The following LRFN2 variants were observed in gnomAD, a reference collection of about 807,000 sequenced individuals.
LRFN2 encodes leucine-rich repeat and fibronectin type-III domain-containing protein 2.
In LRFN2, 18 loss-of-function variants were observed where a neutral mutation model predicts 37.3. The observed-to-expected ratio is 0.48, with a 90% confidence interval of 0.33 to 0.72. The LOEUF is 0.72. LRFN2 is among the 30% of genes least tolerant of loss of function. LRFN2 has a pLI of 0.02. For synonymous variants in LRFN2, 556 were observed against 466.6 expected (o/e 1.19, Z -2.47); for missense variants, 1,006 against 1,060.7 (o/e 0.95, Z 0.72).
At chr6:40,571,159 T>TC (rs996898270) in intron 1 of LRFN2, among the ~76,000 whole-genome samples, 1 of 152,158 alleles carries the variant, frequency 6.6e-6, no homozygotes, top group Non-Finnish European at 1.5e-5. Flanking sequence ...CCTCTCTGCC[T>TC]CCCCACCAGA....
At chr6:40,516,166 G>A (rs953821382) in intron 1 of LRFN2, among the ~76,000 whole-genome samples, 1 of 152,082 alleles carries the variant, frequency 6.6e-6, no homozygotes, top group Non-Finnish European at 1.5e-5. Context: ...CCTGCTTCTA[G>A]GGGAACCCAG....
At chr6:40,525,040 C>G (rs1766209960) in intron 1 of LRFN2, among the ~76,000 whole-genome samples, 1 of 152,230 alleles carries the variant, frequency 6.6e-6, no homozygotes, top group African/African-American at 2.4e-5. Context: ...AACTTCAGCT[C>G]ATCATCTATA....
chr6:40,555,093 T>C (rs990120665), intron 1 of LRFN2, among the ~76,000 whole-genome samples: 10 of 152,196 alleles, frequency 6.6e-5, no homozygotes, highest in Non-Finnish European at 1.3e-4. Flanking sequence ...CTGGGTAAGA[T>C]GTTCTTTTTG....
intron 1 of LRFN2, among the ~76,000 whole-genome samples, chr6:40,466,638 G>C (rs529460564): frequency 1.3e-5 from 2 of 152,272 alleles, no homozygotes; most frequent in Admixed American, 1.3e-4. Context: ...TTTAGAGGTA[G>C]ATGGTGCTCC....
rs77114127 is a variant in LRFN2, at chr6:40,477,191, G to T, written c.-18-44060C>A. 5.7e-3 allele frequency among the ~76,000 whole-genome samples: 867 copies of T among 152,318 alleles called. 25 individuals are homozygous for T. The East Asian group carries it at 0.088, about 15-fold the overall frequency. Reference sequence around the variant, plus strand: ...GGATATTTTTTAAAAGGCTCTTCAGGTGAGTCTGATGATCAGAGGGGTGGA... The same window carrying T: ...GGATATTTTTTAAAAGGCTCTTCAGTTGAGTCTGATGATCAGAGGGGTGGA... On this transcript the variant is annotated intron_variant, in intron 1 of 2. Coordinates refer to ENST00000338305, the MANE Select transcript of LRFN2 (RefSeq NM_020737.3).
chr6:40,528,136 G>A (rs1038720936), intron 1 of LRFN2, among the ~76,000 whole-genome samples: 1 of 152,214 alleles, frequency 6.6e-6, no homozygotes, highest in African/African-American at 2.4e-5. Flanking sequence ...GCATATCCTA[G>A]TTTTTACAAA....
intron 2 of LRFN2, among the ~76,000 whole-genome samples, chr6:40,406,699 C>T (rs1376151696): frequency 6.6e-6 from 1 of 152,236 alleles, no homozygotes; most frequent in Non-Finnish European, 1.5e-5. Flanking sequence ...CTTCCTCCCA[C>T]CAGCCCAATG....
intron 1 of LRFN2, among the ~76,000 whole-genome samples, chr6:40,456,739 G>A (rs1561863491): frequency 6.6e-6 from 1 of 152,146 alleles, no homozygotes; most frequent in Non-Finnish European, 1.5e-5. Flanking sequence ...AGTTATTAAA[G>A]GCTGTCCAGG....
chr6:40,431,231 G>A (rs1763471535), intron 2 of LRFN2, among the ~76,000 whole-genome samples: 1 of 152,138 alleles, frequency 6.6e-6, no homozygotes, highest in South Asian at 2.1e-4. Context: ...GAGGCCAGGA[G>A]AATGAAATGA....
At chr6:40,487,793 C>T (rs1024714060) in intron 1 of LRFN2, among the ~76,000 whole-genome samples, 3 of 152,208 alleles carry the variant, frequency 2.0e-5, no homozygotes, top group East Asian at 1.9e-4. Context: ...AGTGCCGCTG[C>T]CCACCCTTCC....
chr6:40,533,374 A>AACACACACACACACACACACAC (rs58462773), intron 1 of LRFN2, among the ~76,000 whole-genome samples: 1 of 142,974 alleles, frequency 7.0e-6, no homozygotes, highest in African/African-American at 2.6e-5. Context: ...TCTTGCTCAA[A>AACACACACACACACACACACAC]ACACACACAC....
At chr6:40,525,280 C>A (rs1766219506) in intron 1 of LRFN2, among the ~76,000 whole-genome samples, 1 of 152,194 alleles carries the variant, frequency 6.6e-6, no homozygotes, top group East Asian at 1.9e-4. Flanking sequence ...GCAAGGGCGG[C>A]CCTGCTGCAG....
At chr6:40,440,576 G>A (rs1223160968) in intron 1 of LRFN2, among the ~76,000 whole-genome samples, 1 of 152,206 alleles carries the variant, frequency 6.6e-6, no homozygotes, top group Non-Finnish European at 1.5e-5. Context: ...TGTGGCCTCT[G>A]ACTCAATGCA....
At chr6:40,429,604 C>T (rs1235816843) in intron 2 of LRFN2, among the ~76,000 whole-genome samples, 1 of 152,102 alleles carries the variant, frequency 6.6e-6, no homozygotes, top group African/African-American at 2.4e-5. Flanking sequence ...AAAATGAGTA[C>T]TTCCACTGGT....
chr6:40,547,319 G>A lies in LRFN2; in HGVS notation c.-19+39622C>T, dbSNP rs1279138511. On this transcript the variant is annotated intron_variant, in intron 1 of 2. Transcript: ENST00000338305. ...AGAGTTTCACCATGTTGGCCAGGCC[G>A]GTCTCGAACTCCTGACCTCAGGTGA... 4.6e-5 allele frequency among the ~76,000 whole-genome samples: 7 copies of A among 152,146 alleles called. No homozygotes were observed. The East Asian group carries it at 1.4e-3, about 29-fold the overall frequency.
intron 1 of LRFN2, among the ~76,000 whole-genome samples, chr6:40,484,781 A>C (rs953273954): frequency 6.6e-6 from 1 of 152,218 alleles, no homozygotes; most frequent in African/African-American, 2.4e-5. Context: ...TCCTTCTCTC[A>C]GAGGAATGCA....
chr6:40,446,539 G>T (rs1263797157), intron 1 of LRFN2, among the ~76,000 whole-genome samples: 4 of 152,178 alleles, frequency 2.6e-5, no homozygotes, highest in African/African-American at 4.8e-5. Flanking sequence ...TGTTCATCAG[G>T]CTTCTGTCAC....
chr6:40,547,670 G>A (rs382063), intron 1 of LRFN2, among the ~76,000 whole-genome samples: 14,310 of 152,128 alleles, frequency 0.094, 791 homozygotes, highest in Non-Finnish European at 0.12. Context: ...CAGAAGATGG[G>A]AGGGAGAAAG....
At chr6:40,582,645 T>C (rs1484889080) in intron 1 of LRFN2, among the ~76,000 whole-genome samples, 6 of 151,090 alleles carry the variant, frequency 4.0e-5, no homozygotes, top group Admixed American at 2.0e-4. Context: ...CATGGAAGCC[T>C]TGGGTCTTCT....
Sources: allele counts gnomAD v4.1 joint callset (sites outside exome capture counted in the v4.1 genomes callset), GRCh38; gene constraint gnomAD v4.1.1; transcripts MANE v1.5; gene names NCBI Gene and HGNC (gene_info 2026-07-23, HGNC 2026-07-21).